The following GTF2H1 variants were observed in gnomAD, a reference collection of about 807,000 sequenced individuals.
The protein encoded by GTF2H1 is general transcription factor IIH subunit 1, also known as BTF2 p62.
In GTF2H1, 16 loss-of-function variants were observed where a neutral mutation model predicts 71.2. The observed-to-expected ratio is 0.22, with a 90% confidence interval of 0.15 to 0.34. The LOEUF is 0.34. Among genes scored for constraint, GTF2H1 ranks in the 10% least tolerant of loss-of-function variants. The pLI is 1.00. For missense variants in GTF2H1, 498 were observed against 648.2 expected (o/e 0.77, Z 2.52); for synonymous variants, 215 against 219.0 (o/e 0.98, Z 0.16).
At position 18,342,380 on chromosome 11, in the gene GTF2H1, G is replaced by C. The variant is rs957264731; in HGVS notation, c.837+773G>C. On this transcript the variant is annotated intron_variant, in intron 7 of 14. Transcript: ENST00000265963. ...AAGTTAAAGCCATTCTCCTGCCTCA[G>C]CCTCCCAAGTAGCTGGAATTACAGG... is the stretch of plus-strand genomic sequence containing the variant. Among the ~76,000 whole-genome samples the C allele has an allele frequency of 2.0e-5, 3 of 146,880 alleles. No homozygotes were observed. In the Admixed American group the frequency reaches 2.1e-4, roughly 10 times the overall value.
At chr11:18,327,772 A>G (rs1215172921) in intron 1 of GTF2H1, among the ~76,000 whole-genome samples, 2 of 152,178 alleles carry the variant, frequency 1.3e-5, no homozygotes, top group East Asian at 3.9e-4. Flanking sequence ...TAGTTTTTGT[A>G]GGGACAGGGT....
At chr11:18,360,395 ACAGG>A (rs1274606779) in intron 13 of GTF2H1, among the ~76,000 whole-genome samples, 4 of 152,230 alleles carry the variant, frequency 2.6e-5, no homozygotes, top group African/African-American at 9.6e-5. Context: ...TGCTGGGATT[ACAGG>A]CGTGAGCCAC....
chr11:18,323,777 A>G (rs1276219402), intron 1 of GTF2H1, among the ~76,000 whole-genome samples: 1 of 152,216 alleles, frequency 6.6e-6, no homozygotes, highest in African/African-American at 2.4e-5. Context: ...CTTAACTTCT[A>G]TCCTAGAGGC....
intron 11 of GTF2H1, among the ~76,000 whole-genome samples, chr11:18,357,567 A>G (rs918559667): frequency 1.3e-5 from 2 of 152,216 alleles, no homozygotes; most frequent in African/African-American, 4.8e-5. Flanking sequence ...AAATAAATTT[A>G]ACAGAAACAA....
intron 13 of GTF2H1, among the ~76,000 whole-genome samples, chr11:18,360,410 C>A (rs1240933874): frequency 6.6e-6 from 1 of 152,042 alleles, no homozygotes; most frequent in Non-Finnish European, 1.5e-5. Context: ...CGTGAGCCAC[C>A]ACGTCTGGCC....
At chr11:18,325,252 A>G (rs4150545) in intron 1 of GTF2H1, among the ~76,000 whole-genome samples, 1,534 of 152,340 alleles carry the variant, frequency 0.01, 26 homozygotes, top group African/African-American at 0.035. Flanking sequence ...TTTGTATTCA[A>G]CCAGTTCATA....
At chr11:18,328,852 C>T (rs1002486143) in intron 1 of GTF2H1, among the ~76,000 whole-genome samples, 2 of 151,740 alleles carry the variant, frequency 1.3e-5, no homozygotes, top group Non-Finnish European at 2.9e-5. Context: ...TGGAATCAAA[C>T]TACATGCCTT....
At chr11:18,358,108 GTGCTGAACTTTTATTGGTTTTTCCT>G in intron 12 of GTF2H1, 66 bp downstream of exon 12, 1 of 1,038,974 alleles carries the variant, frequency 9.6e-7, no homozygotes, top group South Asian at 1.3e-5. Context: ...GCTGGGAGGA[GTGCTGAACTTTTATTGGTTTTTCCT>G]TGGAATAATC....
At chr11:18,325,412 GC>G (rs1239395518) in intron 1 of GTF2H1, among the ~76,000 whole-genome samples, 1 of 152,176 alleles carries the variant, frequency 6.6e-6, no homozygotes, top group African/African-American at 2.4e-5. Flanking sequence ...TTATGTCTTA[GC>G]AAGAGATTGT....
At chr11:18,354,312 C>T (rs186437861) in intron 11 of GTF2H1, among the ~76,000 whole-genome samples, 39 of 152,310 alleles carry the variant, frequency 2.6e-4, no homozygotes, top group East Asian at 1.7e-3. Flanking sequence ...TAGTATTTGC[C>T]TGGTTTCTCC....
chr11:18,355,271 T>C (rs1865516335), intron 11 of GTF2H1, among the ~76,000 whole-genome samples: 1 of 151,094 alleles, frequency 6.6e-6, no homozygotes. Flanking sequence ...GCCTCTGGAG[T>C]AGCTGGGACT....
chr11:18,347,656 C>T lies in GTF2H1; in HGVS notation c.906C>T (p.Ala302=), dbSNP rs141528511. 6 of 1,611,670 alleles carry T rather than the reference C, an allele frequency of 3.7e-6. No homozygotes were observed. The highest frequency in any genetic ancestry group is 3.3e-5 in the Admixed American group (2 of 59,980). ...SKSIKENSNA[A]IIKRFNHHSA... ...CCATAAAAGAGAATAGTAATGCTGC[C>T]ATCATCAAGAGATTTAACCATCACA... Residue 302 remains alanine, a synonymous_variant, in exon 8 of 15, where the codon GCC becomes GCT. Transcript: ENST00000265963.
rs776167505 is a variant in GTF2H1, at chr11:18,347,562, A to C, written c.838-26A>C. 9 of 1,517,158 alleles carry C rather than the reference A, an allele frequency of 5.9e-6. No individual in the cohort carries two copies. The African/African-American group carries it at 1.1e-4, about 19-fold the overall frequency. 94.0% of individuals were successfully genotyped at this position (1,517,158 alleles called of 1,614,324 possible). A position where few individuals can be genotyped will look rare whatever the true frequency, so the allele number is the denominator to read the frequency against. On this transcript the variant is annotated intron_variant, in intron 7 of 14. Coordinates refer to ENST00000265963, the MANE Select transcript of GTF2H1 (RefSeq NM_005316.4). ...TAAGAAAAGCAGAACCTTTTTAAAA[A>C]ATTTTTAATCTATTATTTCTCACAG...
At chr11:18,360,297 A>G (rs1490696124) in intron 13 of GTF2H1, among the ~76,000 whole-genome samples, 3 of 151,636 alleles carry the variant, frequency 2.0e-5, no homozygotes, top group African/African-American at 7.3e-5. Context: ...TAATTTTTGT[A>G]TTTTTAGCGG....
intron 14 of GTF2H1, among the ~76,000 whole-genome samples, chr11:18,363,198 G>A (rs943656580): frequency 2.7e-4 from 41 of 152,054 alleles, no homozygotes; most frequent in Middle Eastern, 3.4e-3. Flanking sequence ...ACCTGCGTAC[G>A]GCTATTTTAC....
chr11:18,323,303 AT>A (rs147294921), intron 1 of GTF2H1, among the ~76,000 whole-genome samples: 5 of 150,974 alleles, frequency 3.3e-5, no homozygotes, highest in African/African-American at 1.2e-4. Context: ...GACTTTTCTT[AT>A]TTTTTTTTAA....
intron 2 of GTF2H1, among the ~76,000 whole-genome samples, chr11:18,334,222 A>G (rs1864968991): frequency 6.6e-6 from 1 of 152,162 alleles, no homozygotes; most frequent in Non-Finnish European, 1.5e-5. Flanking sequence ...TACTAAACAT[A>G]CAAAAAAATT....
In GTF2H1 at chr11:18,355,789, C is replaced by CT. The variant is rs1450282383; in HGVS notation, c.1261-2158dup. 5.9e-5 allele frequency among the ~76,000 whole-genome samples: 9 copies of CT among 152,252 alleles called. No homozygotes were observed. In the South Asian group the frequency reaches 1.9e-3, roughly 32 times the overall value. ...CTCAGCCTCCCAAAATGAAATTTATCTTTTTAAGTCTGCTATTCTACAAGT... is the reference window on the plus strand; with the variant it reads ...CTCAGCCTCCCAAAATGAAATTTATCTTTTTTAAGTCTGCTATTCTACAAGT... On this transcript the variant is annotated intron_variant, in intron 11 of 14. Transcript: ENST00000265963.
chr11:18,333,332 T>G lies in GTF2H1; in HGVS notation c.154+104T>G. The G allele has an allele frequency of 5.0e-6, 4 of 800,218 alleles. No individual in the cohort carries two copies. In the South Asian group the frequency reaches 8.2e-5, roughly 16 times the overall value. The allele number at this position is 800,218 out of a possible 1,614,324, so 49.6% of individuals were successfully genotyped here. A position where few individuals can be genotyped will look rare whatever the true frequency, so the allele number is the denominator to read the frequency against. On this transcript the variant is annotated intron_variant, in intron 2 of 14. Transcript: ENST00000265963. ...TTATTTTATATCAAAAAATCAACTA[T>G]GTAGAAATAATTACAAAATGGGGTC...
Sources: gnomAD v4.1 joint callset for allele counts (sites outside exome capture counted in the v4.1 genomes callset) on GRCh38, gnomAD v4.1.1 for gene constraint, MANE v1.5 for transcripts, NCBI Gene and HGNC (gene_info 2026-07-23, HGNC 2026-07-21) for gene names.